The following MIPOL1 variants were observed in gnomAD, a reference collection of about 807,000 sequenced individuals.
The protein encoded by MIPOL1 is mirror-image polydactyly 1.
A neutral mutation model predicts 60.9 loss-of-function variants in MIPOL1; 57 were observed. That is an observed-to-expected ratio of 0.94 (90% CI 0.76 to 1.17). The LOEUF is 1.17. MIPOL1 is among the 50% of genes most tolerant of loss of function. The pLI is 0.00. For synonymous variants in MIPOL1, 179 were observed against 168.8 expected (o/e 1.06, Z -0.47); for missense variants, 551 against 511.6 (o/e 1.08, Z -0.74).
At chr14:37,448,778 A>T (rs912754042) in intron 11 of MIPOL1, among the ~76,000 whole-genome samples, 2 of 152,222 alleles carry the variant, frequency 1.3e-5, no homozygotes, top group Non-Finnish European at 2.9e-5. Flanking sequence ...TATACTGTTA[A>T]TTATACTAAA....
At chr14:37,496,105 T>G (rs545504170) in intron 11 of MIPOL1, among the ~76,000 whole-genome samples, 1 of 152,078 alleles carries the variant, frequency 6.6e-6, no homozygotes, top group African/African-American at 2.4e-5. Flanking sequence ...GGTAGTTTCT[T>G]TTGCTGTGCA....
chr14:37,379,494 TTTTAAAGTA>T (rs1322468045), intron 10 of MIPOL1, among the ~76,000 whole-genome samples: 1 of 152,050 alleles, frequency 6.6e-6, no homozygotes, highest in African/African-American at 2.4e-5. Flanking sequence ...AACTTCTGTG[TTTTAAAGTA>T]TACCATCAAA....
intron 9 of MIPOL1, among the ~76,000 whole-genome samples, chr14:37,317,754 A>G (rs1418072802): frequency 5.3e-5 from 8 of 152,210 alleles, no homozygotes; most frequent in Non-Finnish European, 1.5e-5. Flanking sequence ...GATTTCGAAT[A>G]TAGCAATTAT....
At chr14:37,275,388 C>A (rs2083577853) in intron 6 of MIPOL1, among the ~76,000 whole-genome samples, 1 of 150,962 alleles carries the variant, frequency 6.6e-6, no homozygotes, top group South Asian at 2.1e-4. Context: ...TCTCTTCTCA[C>A]CTAAAAAAAG....
intron 7 of MIPOL1, among the ~76,000 whole-genome samples, chr14:37,292,869 C>T (rs1653161325): frequency 6.6e-6 from 1 of 152,038 alleles, no homozygotes; most frequent in South Asian, 2.1e-4. Context: ...TCTATATAAC[C>T]CTAGGGCAAT....
rs150726156 is a variant in MIPOL1 at position 37,304,403 on chromosome 14, A to C, written c.624-3653A>C. 5.2e-4 allele frequency among the ~76,000 whole-genome samples: 79 copies of C among 151,896 alleles called. 1 individual carries two copies. In the East Asian group the frequency reaches 0.014, roughly 27 times the overall value. On this transcript the variant is annotated intron_variant, in intron 7 of 12. Transcript: ENST00000684589. ...TCAAGTTAAAATTACCTACATATAC[A>C]TACTCTTATATACGTTTGCATTTGT... is the stretch of plus-strand genomic sequence containing the variant.
At chr14:37,387,199 AATTTTTAAACT>A (rs1436373728) in intron 10 of MIPOL1, among the ~76,000 whole-genome samples, 50 of 152,052 alleles carry the variant, frequency 3.3e-4, no homozygotes, top group Middle Eastern at 6.8e-3. Context: ...CTAAAAACTG[AATTTTTAAACT>A]ATGAAAGTAT....
intron 11 of MIPOL1, among the ~76,000 whole-genome samples, chr14:37,461,273 G>C (rs1247133064): frequency 6.6e-6 from 1 of 152,206 alleles, no homozygotes; most frequent in Non-Finnish European, 1.5e-5. Flanking sequence ...AGAAGGCAAG[G>C]AGGAGCAAGT....
intron 3 of MIPOL1, among the ~76,000 whole-genome samples, chr14:37,260,159 A>G (rs1282302762): frequency 1.3e-5 from 2 of 151,410 alleles, no homozygotes. Flanking sequence ...TAACCCCAGC[A>G]CTTTGGAAGG....
At position 37,485,151 on chromosome 14, in the gene MIPOL1, C is replaced by T. The variant is rs143750675; in HGVS notation, c.1032-14757C>T. Among the ~76,000 whole-genome samples, 248 of 152,206 alleles carry T rather than the reference C, an allele frequency of 1.6e-3. 1 individual carries two copies. The highest frequency in any genetic ancestry group is 2.4e-3 in the Non-Finnish European group (164 of 68,022). ...GAATGATGGTTTCCAGCTTCATCCA[C>T]GTCCCTGCAAAGGACATGAACTCAT... On this transcript the variant is annotated intron_variant, in intron 11 of 12. Transcript: ENST00000684589.
intron 12 of MIPOL1, among the ~76,000 whole-genome samples, chr14:37,525,633 T>A (rs921094825): frequency 6.6e-6 from 1 of 152,166 alleles, no homozygotes; most frequent in Admixed American, 6.5e-5. Flanking sequence ...TATAAAAGGA[T>A]GTTGTTCCCG....
chr14:37,292,641 C>T lies in MIPOL1; in HGVS notation c.623+7194C>T, dbSNP rs112636639. Among the ~76,000 whole-genome samples the T allele has an allele frequency of 2.3e-3, 353 of 151,748 alleles. 2 individuals carry two copies. Among genetic ancestry groups the T allele is most frequent in the African/African-American group, 7.9e-3 (327 of 41,360 alleles). On this transcript the variant is annotated intron_variant, in intron 7 of 12. Transcript: ENST00000684589. ...GATTATAGGCACCTGCCACCAGCCC[C>T]GGCTAATTTTTGTACTTTCAGTAGC...
At chr14:37,490,092 G>A (rs1206653116) in intron 11 of MIPOL1, among the ~76,000 whole-genome samples, 1 of 152,196 alleles carries the variant, frequency 6.6e-6, no homozygotes, top group Non-Finnish European at 1.5e-5. Context: ...GGAGATGGGG[G>A]TTTTATCTAT....
At chr14:37,325,934 A>G (rs1281074186) in intron 9 of MIPOL1, among the ~76,000 whole-genome samples, 1 of 152,164 alleles carries the variant, frequency 6.6e-6, no homozygotes, top group East Asian at 1.9e-4. Flanking sequence ...TATCCATGTT[A>G]TGTCCTCCCG....
chr14:37,340,229 G>A (rs763419964), intron 9 of MIPOL1, among the ~76,000 whole-genome samples: 3 of 151,808 alleles, frequency 2.0e-5, no homozygotes, highest in Non-Finnish European at 2.9e-5. Context: ...GTTAATGTGT[G>A]TGTTTTTGTC....
At chr14:37,416,030 A>G (rs890094317) in intron 10 of MIPOL1, among the ~76,000 whole-genome samples, 1 of 152,142 alleles carries the variant, frequency 6.6e-6, no homozygotes, top group Admixed American at 6.5e-5. Flanking sequence ...TTCTAAAACA[A>G]TAGAAATAGC....
At chr14:37,394,734 C>T (rs1275782578) in intron 10 of MIPOL1, among the ~76,000 whole-genome samples, 5 of 151,924 alleles carry the variant, frequency 3.3e-5, no homozygotes, top group South Asian at 2.1e-4. Flanking sequence ...CTCTGCTGAC[C>T]GTTCCTTTTG....
At chr14:37,351,300 G>C (rs2091349705) in intron 9 of MIPOL1, among the ~76,000 whole-genome samples, 1 of 142,974 alleles carries the variant, frequency 7.0e-6, no homozygotes, top group African/African-American at 2.6e-5. Flanking sequence ...TCTTAATCCA[G>C]TCTATCATTG....
At chr14:37,392,269 C>A (rs566119872) in intron 10 of MIPOL1, among the ~76,000 whole-genome samples, 1 of 152,148 alleles carries the variant, frequency 6.6e-6, no homozygotes, top group African/African-American at 2.4e-5. Context: ...TAGTTTTGAA[C>A]ATATGGATTT....
Sources: allele counts gnomAD v4.1 joint callset (sites outside exome capture counted in the v4.1 genomes callset), GRCh38; gene constraint gnomAD v4.1.1; transcripts MANE v1.5; gene names NCBI Gene and HGNC (gene_info 2026-07-23, HGNC 2026-07-21).